HIVEP3: variants seen among roughly 807,000 people sequenced by gnomAD.
HIVEP3 encodes HIVEP zinc finger 3, also known as transcription factor HIVEP3.
A neutral mutation model predicts 152.8 loss-of-function variants in HIVEP3; 49 were observed. That is an observed-to-expected ratio of 0.32 (90% confidence interval 0.26 to 0.41). HIVEP3 has a LOEUF of 0.41. HIVEP3 is among the 10% of genes least tolerant of loss of function. The probability of loss-of-function intolerance (pLI) is 1.00; values close to 1 mark genes in which losing one functional copy is unlikely to be tolerated. For missense variants in HIVEP3, 2,790 were observed against 3,103.3 expected (o/e 0.90, Z 2.40); for synonymous variants, 1,269 against 1,289.0 (o/e 0.98, Z 0.33).
intron 1 of HIVEP3, among the ~76,000 whole-genome samples, chr1:41,747,102 G>A (rs1647084646): frequency 6.6e-6 from 1 of 152,328 alleles, no homozygotes; most frequent in East Asian, 1.9e-4. Flanking sequence ...CAGCAGGATA[G>A]GAATTCAGGC....
At chr1:41,890,343 G>A (rs1315091243) in intron 1 of HIVEP3, among the ~76,000 whole-genome samples, 3 of 152,128 alleles carry the variant, frequency 2.0e-5, no homozygotes, top group Non-Finnish European at 2.9e-5. Flanking sequence ...CAAGAGCTAG[G>A]GTAGAAAAGA....
chr1:41,840,186 C>A (rs11210533), intron 1 of HIVEP3, among the ~76,000 whole-genome samples: 51,925 of 152,076 alleles, frequency 0.34, 9,055 homozygotes, highest in Non-Finnish European at 0.38. Context: ...TAGTGTCCCC[C>A]CAACGTTCAC....
At chr1:42,008,484 T>A (rs935925725) in intron 1 of HIVEP3, among the ~76,000 whole-genome samples, 2 of 152,236 alleles carry the variant, frequency 1.3e-5, no homozygotes, top group Non-Finnish European at 2.9e-5. Flanking sequence ...TTCTGATTGT[T>A]GGCAGCTGCT....
intron 2 of HIVEP3, among the ~76,000 whole-genome samples, chr1:41,676,040 G>T (rs1645949674): frequency 6.6e-6 from 1 of 151,736 alleles, no homozygotes; most frequent in African/African-American, 2.4e-5. Context: ...TGCCAACCAG[G>T]TGTTTCTTTT....
chr1:41,850,382 G>T (rs1424908279), intron 1 of HIVEP3, among the ~76,000 whole-genome samples: 2 of 152,138 alleles, frequency 1.3e-5, no homozygotes, highest in Non-Finnish European at 2.9e-5. Flanking sequence ...AAGAATAAAA[G>T]GAGCCTTAGG....
chr1:41,826,312 A>G (rs72671240), intron 1 of HIVEP3, among the ~76,000 whole-genome samples: 20,294 of 152,256 alleles, frequency 0.13, 1,693 homozygotes, highest in Middle Eastern at 0.2. Flanking sequence ...TCTCCAGGAA[A>G]TGGGGGATCC....
intron 1 of HIVEP3, among the ~76,000 whole-genome samples, chr1:41,735,560 C>A (rs1197811939): frequency 1.3e-5 from 2 of 152,180 alleles, no homozygotes; most frequent in African/African-American, 4.8e-5. Context: ...ACCATCCAGG[C>A]TCTGCTCACT....
At chr1:41,868,456 C>T (rs1251356373) in intron 1 of HIVEP3, among the ~76,000 whole-genome samples, 1 of 152,170 alleles carries the variant, frequency 6.6e-6, no homozygotes, top group Non-Finnish European at 1.5e-5. Flanking sequence ...CCCTCCTCCC[C>T]CGCCTTAGTA....
intron 2 of HIVEP3, among the ~76,000 whole-genome samples, chr1:41,648,736 A>G (rs968988330): frequency 6.6e-6 from 1 of 152,222 alleles, no homozygotes; most frequent in African/African-American, 2.4e-5. Context: ...CCTTGTACCA[A>G]TGGCAAGACC....
In HIVEP3 at chr1:41,507,211, TA is replaced by T. The variant is rs1309176190; in HGVS notation, c.*3239del. On this transcript the variant is annotated 3_prime_UTR_variant, in exon 9 of 9. Transcript: ENST00000372583. The stretch of plus-strand genomic sequence containing the variant: ...GCAGGGGCTAGAGGAATCTGGAAGC[TA>T]ATTCTTTTAGGCTTTTTCCAACAGA... The T allele has an allele frequency of 6.6e-6, 1 of 152,254 alleles. No individual in the cohort carries two copies. Among genetic ancestry groups the T allele is most frequent in the Non-Finnish European group, 1.5e-5 (1 of 68,070 alleles). The allele number at this position is 152,254 out of a possible 1,614,324, so 9.4% of individuals were successfully genotyped here.
chr1:41,925,229 C>G (rs1296123173), intron 1 of HIVEP3, among the ~76,000 whole-genome samples: 1 of 152,188 alleles, frequency 6.6e-6, no homozygotes, highest in Non-Finnish European at 1.5e-5. Flanking sequence ...CCCTGAACAA[C>G]TCAGGGGTTG....
intron 5 of HIVEP3, among the ~76,000 whole-genome samples, chr1:41,562,378 G>C (rs962861207): frequency 6.6e-6 from 1 of 152,214 alleles, no homozygotes; most frequent in Non-Finnish European, 1.5e-5. Context: ...TTCTTGAAGA[G>C]TTCTTTGGAA....
At chr1:41,887,054 A>G (rs1376560191) in intron 1 of HIVEP3, among the ~76,000 whole-genome samples, 1 of 150,788 alleles carries the variant, frequency 6.6e-6, no homozygotes, top group South Asian at 2.1e-4. Context: ...TGTTTTATGC[A>G]ATGTAACTAT....
chr1:41,704,594 C>T (rs1407820562), intron 1 of HIVEP3, among the ~76,000 whole-genome samples: 1 of 152,240 alleles, frequency 6.6e-6, no homozygotes. Flanking sequence ...TGGGAAGGAG[C>T]TAACATCCAT....
chr1:41,750,326 C>T (rs1647139906), intron 1 of HIVEP3, among the ~76,000 whole-genome samples: 1 of 152,228 alleles, frequency 6.6e-6, no homozygotes, highest in Admixed American at 6.5e-5. Context: ...AATTCATCAA[C>T]AAATGGCAGC....
chr1:41,513,833 T>A (rs1268437048), intron 7 of HIVEP3, 83 bp from the exon 8 acceptor site: 9 of 1,205,940 alleles, frequency 7.5e-6, no homozygotes, highest in Non-Finnish European at 8.8e-6. Flanking sequence ...TGAGCCCCAG[T>A]TTCCTTGCCT....
chr1:41,732,605 C>A (rs1646858447), intron 1 of HIVEP3, among the ~76,000 whole-genome samples: 2 of 152,180 alleles, frequency 1.3e-5, no homozygotes, highest in South Asian at 4.2e-4. Context: ...TGGCTTTGTA[C>A]CCAAGCCACT....
chr1:41,690,625 G>A (rs140201223), intron 2 of HIVEP3, among the ~76,000 whole-genome samples: 1 of 152,274 alleles, frequency 6.6e-6, no homozygotes, highest in Non-Finnish European at 1.5e-5. Context: ...TTGGCTGAAA[G>A]CATGGATTCT....
chr1:41,520,542 G>A (rs1288639930), intron 6 of HIVEP3, among the ~76,000 whole-genome samples: 3 of 152,114 alleles, frequency 2.0e-5, no homozygotes, highest in Admixed American at 6.6e-5. Flanking sequence ...GGGGTCTTCC[G>A]CGGATCAGAG....
Sources: gnomAD v4.1 joint callset for allele counts (sites outside exome capture counted in the v4.1 genomes callset) on GRCh38, gnomAD v4.1.1 for gene constraint, MANE v1.5 for transcripts, NCBI Gene and HGNC (gene_info 2026-07-23, HGNC 2026-07-21) for gene names.